TTLL11: variants seen among roughly 807,000 people sequenced by gnomAD.
TTLL11 encodes tubulin tyrosine ligase like 11, also known as tubulin polyglutamylase TTLL11.
Under a neutral mutation model 51.7 loss-of-function variants are expected in TTLL11, and 42 were observed. The observed-to-expected ratio is 0.81, with a 90% CI of 0.64 to 1.05. The LOEUF (loss-of-function observed/expected upper bound fraction) is 1.05. Among genes scored for constraint, TTLL11 ranks in the 50% least tolerant of loss-of-function variants. The pLI is 0.00. For missense variants in TTLL11, 799 were observed against 940.4 expected (o/e 0.85, Z 1.97); for synonymous variants, 381 against 383.5 (o/e 0.99, Z 0.08).
At chr9:121,899,380 T>TATATATATATATATATATATATATAC (rs1839673854) in intron 6 of TTLL11, among the ~76,000 whole-genome samples, 4 of 100,204 alleles carry the variant, frequency 4.0e-5, no homozygotes, top group Non-Finnish European at 6.2e-5. Context: ...TATATATACA[T>TATATATATATATATATATATATATAC]ATATATATAT....
rs865824628 is a variant in TTLL11, at chr9:122,093,208, C to T, written c.-60G>A. 2.7e-6 allele frequency: 4 copies of T among 1,493,270 alleles called. No individual in the cohort carries two copies. In the African/African-American group the frequency reaches 4.4e-5, roughly 16 times the overall value. The allele number at this position is 1,493,270 out of a possible 1,614,324, so 92.5% of individuals were successfully genotyped here. Reference sequence around the variant, plus strand: ...GCCGCCGCCGCCGCCGCTCCGCCGCCCCAGTCCGCCACCAAACTGCCGCCG... The same window carrying T: ...GCCGCCGCCGCCGCCGCTCCGCCGCTCCAGTCCGCCACCAAACTGCCGCCG... On this transcript the variant is annotated 5_prime_UTR_variant, in exon 1 of 9. Transcript: ENST00000321582.
At chr9:122,053,679 G>A (rs1011396861) in intron 1 of TTLL11, among the ~76,000 whole-genome samples, 5 of 152,158 alleles carry the variant, frequency 3.3e-5, no homozygotes, top group African/African-American at 9.7e-5. Context: ...AAAAAAGTAT[G>A]CGCAGGGAGC....
intron 6 of TTLL11, among the ~76,000 whole-genome samples, chr9:121,903,979 T>C (rs1438885957): frequency 2.0e-5 from 3 of 152,126 alleles, no homozygotes; most frequent in Non-Finnish European, 4.4e-5. Context: ...AAATACAACG[T>C]GGGTTAAATA....
intron 6 of TTLL11, among the ~76,000 whole-genome samples, chr9:121,904,798 T>C (rs1489588209): frequency 2.0e-5 from 3 of 152,244 alleles, no homozygotes; most frequent in African/African-American, 4.8e-5. Flanking sequence ...TGTTTCCTTT[T>C]TCTACCAAGG....
chr9:121,896,085 TTTGG>T (rs1255756976), intron 6 of TTLL11, among the ~76,000 whole-genome samples: 1 of 151,588 alleles, frequency 6.6e-6, no homozygotes, highest in East Asian at 1.9e-4. Flanking sequence ...TGTGTGCCCG[TTTGG>T]TTGTGTGTGT....
intron 4 of TTLL11, among the ~76,000 whole-genome samples, chr9:121,981,800 A>G (rs1470884312): frequency 6.6e-6 from 1 of 152,206 alleles, no homozygotes; most frequent in Non-Finnish European, 1.5e-5. Flanking sequence ...CTCGCTGTTA[A>G]GGCAGAACTT....
chr9:121,940,928 C>A (rs1170236072), intron 6 of TTLL11, among the ~76,000 whole-genome samples: 2 of 152,208 alleles, frequency 1.3e-5, no homozygotes, highest in East Asian at 3.8e-4. Context: ...CTAAAGGTAG[C>A]AGGAAAGCTG....
chr9:121,948,179 A>G (rs927215812), intron 6 of TTLL11, among the ~76,000 whole-genome samples: 3 of 152,192 alleles, frequency 2.0e-5, no homozygotes, highest in African/African-American at 7.2e-5. Flanking sequence ...AGGAGAACAT[A>G]GAGATGTAGA....
At chr9:122,028,655 T>C (rs1029832038) in intron 3 of TTLL11, among the ~76,000 whole-genome samples, 16 of 152,162 alleles carry the variant, frequency 1.1e-4, no homozygotes, top group Non-Finnish European at 2.2e-4. Flanking sequence ...AAGATGTGAA[T>C]ACCACCAATA....
At chr9:121,936,518 G>T (rs1841227656) in intron 6 of TTLL11, among the ~76,000 whole-genome samples, 1 of 152,094 alleles carries the variant, frequency 6.6e-6, no homozygotes, top group African/African-American at 2.4e-5. Flanking sequence ...CAGAAATCCT[G>T]TTTCTAAAGC....
intron 8 of TTLL11, among the ~76,000 whole-genome samples, chr9:121,827,672 C>T (rs1252324006): frequency 2.0e-5 from 3 of 152,208 alleles, no homozygotes; most frequent in Admixed American, 6.5e-5. Flanking sequence ...ATGGCCCATT[C>T]TAATAGCCCT....
chr9:121,961,506 G>A (rs1357323095), intron 6 of TTLL11, among the ~76,000 whole-genome samples: 2 of 151,524 alleles, frequency 1.3e-5, no homozygotes, highest in Non-Finnish European at 2.9e-5. Context: ...CAAGAGTCTC[G>A]CTCCAGGGTC....
Position 121,974,076 on chromosome 9 carries a change from C to A in TTLL11, c.1414G>T (p.Val472Leu). The A allele has an allele frequency of 3.2e-6, 5 of 1,551,738 alleles. No homozygotes were observed. Among genetic ancestry groups the A allele is most frequent in the Non-Finnish European group, 4.4e-6 (5 of 1,146,994 alleles). ...ENVPSLVDEE[V>L]KVAVIRDTLR... ...GTGTCTCTGATCACAGCCACTTTCA[C>A]TTCTTCATCAACGAGGCTGGGGACA... Residue 472 changes from valine (V) to leucine (L), a missense_variant, in exon 6 of 9, where the codon GTG (valine) becomes TTG (leucine). Physicochemically the swap from Val to Leu is conservative, Grantham distance 32 (BLOSUM62 1). This residue lies in a region of TTLL11 where 468 missense variants were observed against 612.8 expected (regional missense o/e 0.76). Transcript: ENST00000321582.
intron 6 of TTLL11, among the ~76,000 whole-genome samples, chr9:121,872,260 G>A (rs903003062): frequency 1.3e-5 from 2 of 152,182 alleles, no homozygotes; most frequent in Non-Finnish European, 2.9e-5. Flanking sequence ...AAAACCAGCT[G>A]AGATGGCTTC....
intron 8 of TTLL11, among the ~76,000 whole-genome samples, chr9:121,850,092 C>A (rs371016694): frequency 2.0e-5 from 3 of 151,558 alleles, no homozygotes; most frequent in East Asian, 3.9e-4. Context: ...AAAAACCTAC[C>A]AATCCATGGC....
At chr9:122,011,167 C>G (rs569257291) in intron 3 of TTLL11, among the ~76,000 whole-genome samples, 42 of 152,252 alleles carry the variant, frequency 2.8e-4, no homozygotes, top group African/African-American at 9.6e-4. Context: ...TTCTCACTTG[C>G]CTGCCACCAT....
At chr9:122,074,737 C>CA (rs11427901) in intron 1 of TTLL11, among the ~76,000 whole-genome samples, 59,340 of 126,512 alleles carry the variant, frequency 0.47, 13,969 homozygotes, top group African/African-American at 0.68. Flanking sequence ...TTCGTCTCTA[C>CA]AAAAAAAAAA....
At chr9:121,849,637 G>GCA (rs1837610441) in intron 8 of TTLL11, among the ~76,000 whole-genome samples, 1 of 152,046 alleles carries the variant, frequency 6.6e-6, no homozygotes, top group Non-Finnish European at 1.5e-5. Context: ...ACAAATAAGC[G>GCA]TATGTAAAGA....
At chr9:121,954,312 T>G (rs950715555) in intron 6 of TTLL11, among the ~76,000 whole-genome samples, 2 of 152,114 alleles carry the variant, frequency 1.3e-5, no homozygotes, top group Non-Finnish European at 2.9e-5. Flanking sequence ...GGTGCTAAGA[T>G]TCAAACTACA....
Sources: gnomAD v4.1 joint callset for allele counts (sites outside exome capture counted in the v4.1 genomes callset) on GRCh38, gnomAD v4.1.1 for gene constraint, gnomAD v4.1.1 regional missense constraint, MANE v1.5 for transcripts, NCBI Gene and HGNC (gene_info 2026-07-23, HGNC 2026-07-21) for gene names.